MUSK: variants seen among roughly 807,000 people sequenced by gnomAD.
MUSK encodes the protein muscle associated receptor tyrosine kinase, also known as muscle, skeletal receptor tyrosine-protein kinase.
MUSK carries 55 observed loss-of-function variants against 88.7 expected under a neutral mutation model. The observed-to-expected ratio is 0.62, with a 90% CI of 0.50 to 0.78. The LOEUF is 0.78. Among genes scored for constraint, MUSK ranks in the 30% least tolerant of loss-of-function variants. MUSK has a pLI of 0.00. For synonymous variants in MUSK, 387 were observed against 391.9 expected (o/e 0.99, Z 0.15); for missense variants, 1,015 against 1,074.3 (o/e 0.94, Z 0.77).
intron 3 of MUSK, among the ~76,000 whole-genome samples, chr9:110,690,500 G>A (rs1409704227): frequency 1.6e-4 from 8 of 51,514 alleles, no homozygotes; most frequent in East Asian, 4.0e-4. Flanking sequence ...TTAAATATAA[G>A]TATATATATA....
chr9:110,714,931 T>TAC (rs2076726211), intron 5 of MUSK, among the ~76,000 whole-genome samples: 1 of 151,128 alleles, frequency 6.6e-6, no homozygotes, highest in African/African-American at 2.5e-5. Flanking sequence ...AGCATCTATG[T>TAC]TTTAATAACA....
Position 110,722,792 on chromosome 9 carries a change from C to G in MUSK, c.629-11459C>G, listed in dbSNP as rs537168908. On this transcript the variant is annotated intron_variant, in intron 5 of 14. Transcript: ENST00000374448. ...TGGCCAACAAGCATGGAAAAATGCT[C>G]CACATCACTAATTATCAGGGAAATG... Among the ~76,000 whole-genome samples, 5 of 152,216 alleles carry G rather than the reference C, an allele frequency of 3.3e-5. No individual in the cohort carries two copies. In the East Asian group the frequency reaches 7.7e-4, roughly 24 times the overall value.
In MUSK at chr9:110,805,714, T is replaced by C. The variant is rs2078152432; in HGVS notation, c.*4726T>C. ...TTTCCCTAATGGATTTGTTAATATGTTCAATTGTATGAATTTATTTCCTAA... is the reference window on the plus strand; with the variant it reads ...TTTCCCTAATGGATTTGTTAATATGCTCAATTGTATGAATTTATTTCCTAA... On this transcript the variant is annotated 3_prime_UTR_variant, in exon 15 of 15. Coordinates refer to ENST00000374448, the MANE Select transcript of MUSK (RefSeq NM_005592.4). 6.6e-6 allele frequency among the ~76,000 whole-genome samples: 1 copy of C among 152,036 alleles called. No individual in the cohort carries two copies.
chr9:110,724,127 A>C (rs903980962), intron 5 of MUSK, among the ~76,000 whole-genome samples: 2 of 151,808 alleles, frequency 1.3e-5, no homozygotes, highest in African/African-American at 4.8e-5. Context: ...TTCTACTATT[A>C]TATGTATTTC....
chr9:110,774,898 C>G (rs943233226), intron 9 of MUSK, among the ~76,000 whole-genome samples: 15 of 149,540 alleles, frequency 1.0e-4, no homozygotes, highest in Non-Finnish European at 5.9e-5. Flanking sequence ...CACACTCTTA[C>G]AATTTCCTCC....
intron 5 of MUSK, among the ~76,000 whole-genome samples, chr9:110,723,743 T>C (rs960175742): frequency 2.0e-5 from 3 of 152,082 alleles, no homozygotes; most frequent in African/African-American, 4.8e-5. Context: ...TGTTTGTTTG[T>C]TTGCTTGCTT....
intron 7 of MUSK, among the ~76,000 whole-genome samples, chr9:110,756,407 C>T (rs1190200066): frequency 6.6e-6 from 1 of 151,986 alleles, no homozygotes; most frequent in African/African-American, 2.4e-5. Context: ...GGTAACTTAG[C>T]TACCTTCATA....
intron 6 of MUSK, 70 bp downstream of exon 6, chr9:110,734,445 T>G (rs536278919): frequency 6.3e-7 from 1 of 1,590,310 alleles, no homozygotes; most frequent in Non-Finnish European, 8.6e-7. Flanking sequence ...ATAGACCATA[T>G]AGTTGTAGTT....
intron 3 of MUSK, among the ~76,000 whole-genome samples, chr9:110,689,219 T>C (rs2076246815): frequency 1.1e-5 from 1 of 88,228 alleles, no homozygotes; most frequent in African/African-American, 5.4e-5. Context: ...TTATATAATA[T>C]ATAATATATA....
In MUSK at chr9:110,805,087, T is replaced by C. The variant is rs1383776727; in HGVS notation, c.*4099T>C. Among the ~76,000 whole-genome samples, 4 of 151,996 alleles carry C rather than the reference T, an allele frequency of 2.6e-5. No homozygotes were observed. Among genetic ancestry groups the C allele is most frequent in the African/African-American group, 4.8e-5 (2 of 41,458 alleles). Reference sequence around the variant, plus strand: ...ATCGTAATTGACATAACTATTCTACTGTTAGACATTTGGTTTATTTCTATT... The same window carrying C: ...ATCGTAATTGACATAACTATTCTACCGTTAGACATTTGGTTTATTTCTATT... On this transcript the variant is annotated 3_prime_UTR_variant, in exon 15 of 15. Coordinates refer to ENST00000374448, the MANE Select transcript of MUSK (RefSeq NM_005592.4).
intron 5 of MUSK, among the ~76,000 whole-genome samples, chr9:110,729,177 A>C (rs1183071409): frequency 6.6e-6 from 1 of 150,976 alleles, no homozygotes; most frequent in African/African-American, 2.4e-5. Flanking sequence ...CAATTGCTCC[A>C]AATCAATAAA....
At chr9:110,755,721 T>C (rs1052243309) in intron 7 of MUSK, among the ~76,000 whole-genome samples, 1 of 151,964 alleles carries the variant, frequency 6.6e-6, no homozygotes, top group Admixed American at 6.6e-5. Context: ...GCTACTATTA[T>C]ACACCCTTCC....
chr9:110,735,469 A>C (rs1029553721), intron 6 of MUSK, among the ~76,000 whole-genome samples: 9 of 152,122 alleles, frequency 5.9e-5, no homozygotes, highest in African/African-American at 2.2e-4. Flanking sequence ...CACAGCAAGA[A>C]AAGTATTTCA....
chr9:110,751,282 TA>T (rs1246558927), intron 7 of MUSK, among the ~76,000 whole-genome samples: 2 of 151,936 alleles, frequency 1.3e-5, no homozygotes, highest in Non-Finnish European at 2.9e-5. Flanking sequence ...TCTGTAACCT[TA>T]AAAAAACGGC....
At chr9:110,773,607 C>T (rs2077615497) in intron 9 of MUSK, among the ~76,000 whole-genome samples, 1 of 151,616 alleles carries the variant, frequency 6.6e-6, no homozygotes, top group African/African-American at 2.4e-5. Context: ...CTCATCTTTA[C>T]TCATCTCTCA....
chr9:110,768,473 G>C lies in MUSK; in HGVS notation c.1184+390G>C, dbSNP rs369488332. On this transcript the variant is annotated intron_variant, in intron 9 of 14. Transcript: ENST00000374448. ...ATTGCACCACTGCACTCCAGCCTGA[G>C]TGTTGAGACTCTGTCTCAAACAAAC... Among the ~76,000 whole-genome samples, 116 of 152,322 alleles carry C rather than the reference G, an allele frequency of 7.6e-4. 2 individuals carry two copies. The South Asian group carries it at 0.018, about 23-fold the overall frequency.
chr9:110,783,526 T>C (rs1263619099), intron 11 of MUSK, among the ~76,000 whole-genome samples: 1 of 152,096 alleles, frequency 6.6e-6, no homozygotes, highest in African/African-American at 2.4e-5. Flanking sequence ...TAACTTTGAA[T>C]CTGTTATAAC....
At chr9:110,705,242 G>C (rs2076582919) in intron 5 of MUSK, among the ~76,000 whole-genome samples, 1 of 152,140 alleles carries the variant, frequency 6.6e-6, no homozygotes, top group Non-Finnish European at 1.5e-5. Flanking sequence ...ACAAACTCAG[G>C]GATGGGAAAA....
intron 5 of MUSK, among the ~76,000 whole-genome samples, chr9:110,700,214 A>G (rs2076484294): frequency 6.6e-6 from 1 of 152,216 alleles, no homozygotes; most frequent in African/African-American, 2.4e-5. Context: ...CATTGAGGCT[A>G]AATGTTTTAT....
Sources: gnomAD v4.1 joint callset for allele counts (sites outside exome capture counted in the v4.1 genomes callset) on GRCh38, gnomAD v4.1.1 for gene constraint, MANE v1.5 for transcripts, NCBI Gene and HGNC (gene_info 2026-07-23, HGNC 2026-07-21) for gene names.